Variants in GAK observed in about 807,000 individuals in gnomAD.
The protein encoded by GAK is cyclin G associated kinase.
In GAK, 79 loss-of-function variants were observed where a neutral mutation model predicts 143.9. That is an observed-to-expected ratio of 0.55 (90% confidence interval 0.46 to 0.66). The LOEUF (loss-of-function observed/expected upper bound fraction) is 0.66, where lower values mean the gene tolerates loss of function less well. Ranked by LOEUF, GAK falls within the 30% of genes least tolerant of loss-of-function variation. GAK has a pLI of 0.00. For synonymous variants in GAK, 881 were observed against 765.5 expected, an observed-to-expected ratio of 1.15 and a Z score of -2.49; for missense variants, 1,693 against 1,779.7, an observed-to-expected ratio of 0.95 and a Z score of 0.88.
chr4:868,215 G>C (rs1228583101), intron 20 of GAK, among the ~76,000 whole-genome samples: 1 of 152,174 alleles, frequency 6.6e-6, no homozygotes, highest in Non-Finnish European at 1.5e-5. Context: ...CCTCCGCCCA[G>C]GCCCTTCCCC....
At chr4:896,867 G>C (rs924964349) in intron 6 of GAK, among the ~76,000 whole-genome samples, 2 of 152,252 alleles carry the variant, frequency 1.3e-5, no homozygotes, top group Non-Finnish European at 2.9e-5. Context: ...TGAGGAGAAG[G>C]GTGTCTCACC....
At chr4:868,265 C>T (rs1711510573) in intron 20 of GAK, among the ~76,000 whole-genome samples, 1 of 152,184 alleles carries the variant, frequency 6.6e-6, no homozygotes, top group Non-Finnish European at 1.5e-5. Flanking sequence ...ATGCTGCCAG[C>T]CTCCCCAGGC....
intron 1 of GAK, among the ~76,000 whole-genome samples, chr4:918,297 G>A (rs1001768208): frequency 2.6e-5 from 4 of 152,206 alleles, no homozygotes; most frequent in Non-Finnish European, 5.9e-5. Flanking sequence ...AGACTTAATC[G>A]TGTTTTCTTC....
At chr4:913,131 C>T (rs1722334988) in intron 2 of GAK, among the ~76,000 whole-genome samples, 1 of 152,116 alleles carries the variant, frequency 6.6e-6, no homozygotes, top group African/African-American at 2.4e-5. Context: ...CAGGCCCACT[C>T]ATGCCCACTC....
chr4:859,813 AC>A, intron 23 of GAK, 91 bp from the exon 24 acceptor site: 3 of 885,304 alleles, frequency 3.4e-6, no homozygotes, highest in African/African-American at 1.7e-5. Context: ...TTACGACATG[AC>A]AGCCTCACTC....
At chr4:859,136 G>A (rs746686340) in intron 24 of GAK, 118 of 981,948 alleles carry the variant, frequency 1.2e-4, no homozygotes, top group African/African-American at 6.5e-4. Flanking sequence ...GCCCGGGGCC[G>A]GGCCTGAGGC....
chr4:870,750 A>C lies in GAK; in HGVS notation c.2209T>G (p.Ser737Ala), dbSNP rs759970792. 6.2e-7 allele frequency: 1 copy of C among 1,613,988 alleles called. No individual in the cohort carries two copies. The highest frequency in any genetic ancestry group is 1.1e-5 in the South Asian group (1 of 91,052). The change falls in exon 19 of 28, where the codon TCC (serine) becomes GCC (alanine). Residue 737 changes from serine (S) to alanine (A), a missense_variant. Around this residue, in one of 2 missense-constraint regions of GAK, gnomAD observed 822 missense variants for 788.7 expected, o/e 1.04. Transcript: ENST00000314167. ...ATGTCTTGCTGCTCCTCCCGGCTGG[A>C]AAACAGGATTTTGGGGTTCAGCCCC... Reference protein sequence around the residue: ...MRGLNPKILFSSREEQQDILS... With the variant: ...MRGLNPKILFASREEQQDILS...
intron 24 of GAK, among the ~76,000 whole-genome samples, chr4:856,400 AC>A (rs1749213352): frequency 1.7e-5 from 1 of 57,622 alleles, no homozygotes. Context: ...CCTGCTCACC[AC>A]CACAGCTGCT....
chr4:859,685 A>G lies in GAK; in HGVS notation c.3204T>C (p.Cys1068=). Residue 1068 remains cysteine (C), a synonymous_variant, in exon 24 of 28, where the codon TGT becomes TGC. Coordinates refer to ENST00000314167, the MANE Select transcript of GAK (RefSeq NM_005255.4). ...LFSPGGQPAP[C]GSQASWTKSQ... ...ACTTGGTCCAGCTGGCCTGAGAGCC[A>G]CAAGGGGCCGGCTGACCTCCAGGAG... 6.2e-7 allele frequency: 1 copy of G among 1,600,762 alleles called. No individual in the cohort carries two copies. The highest frequency in any genetic ancestry group is 1.7e-5 in the Admixed American group (1 of 59,778).
Position 932,139 on chromosome 4 carries a change from G to A in GAK, c.49C>T (p.Leu17=), listed in dbSNP as rs1267885102. The change falls in exon 1 of 28, where the codon CTG becomes TTG. Residue 17 remains leucine (L), a synonymous_variant. Coordinates refer to ENST00000314167, the MANE Select transcript of GAK (RefSeq NM_005255.4). The surrounding 1 kb of genome is among the most constrained non-coding windows in gnomAD (Gnocchi z 4.0). ...ALDFLAGPGS[L]GGASGRDQSD... is the part of the protein sequence containing the mutation. ...TGGTCGCGGCCGGAAGCACCGCCCA[G>A]GGAGCCTGGACCCGCCAAGAAGTCG... The A allele has an allele frequency of 1.3e-6, 2 of 1,587,082 alleles. No homozygotes were observed. The highest frequency in any genetic ancestry group is 1.4e-5 in the African/African-American group (1 of 74,050).
chr4:930,862 T>C (rs573228651), intron 1 of GAK, among the ~76,000 whole-genome samples: 6 of 152,242 alleles, frequency 3.9e-5, no homozygotes, highest in South Asian at 2.1e-4. Flanking sequence ...GCAGGCCTTT[T>C]GTGATAATCA....
intron 1 of GAK, among the ~76,000 whole-genome samples, chr4:914,413 CCA>C (rs1376191642): frequency 3.3e-5 from 4 of 120,024 alleles, no homozygotes; most frequent in Non-Finnish European, 3.5e-5. Flanking sequence ...ACACAGAGCC[CCA>C]CACACACACA....
intron 1 of GAK, among the ~76,000 whole-genome samples, chr4:914,740 A>AC: frequency 1.1e-5 from 1 of 90,534 alleles, no homozygotes; most frequent in South Asian, 4.4e-4. Context: ...CCCAGCGTGC[A>AC]AGGCCCCACA....
At chr4:899,765 C>A (rs1719511686) in intron 5 of GAK, among the ~76,000 whole-genome samples, 1 of 152,214 alleles carries the variant, frequency 6.6e-6, no homozygotes, top group Non-Finnish European at 1.5e-5. Flanking sequence ...AGACCCCAGT[C>A]CTAGAGAGGA....
intron 5 of GAK, among the ~76,000 whole-genome samples, chr4:903,995 C>T (rs1286086220): frequency 2.6e-5 from 4 of 152,254 alleles, no homozygotes; most frequent in Admixed American, 6.5e-5. Context: ...CTGGAAGATC[C>T]GCTTCCACTG....
At chr4:854,605 C>T (rs933091299) in intron 24 of GAK, among the ~76,000 whole-genome samples, 11 of 152,206 alleles carry the variant, frequency 7.2e-5, no homozygotes, top group African/African-American at 2.4e-4. Flanking sequence ...GTCAAAGCTC[C>T]GCTGGTCTCT....
At chr4:859,784 G>A in intron 23 of GAK, 62 bp from the exon 24 acceptor site, 1 of 1,198,766 alleles carries the variant, frequency 8.3e-7, no homozygotes. Context: ...ATCCTCCTGG[G>A]ACCTCCGATG....
At chr4:864,667 C>T (rs376697033) in intron 23 of GAK, among the ~76,000 whole-genome samples, 42 of 152,250 alleles carry the variant, frequency 2.8e-4, no homozygotes, top group African/African-American at 9.4e-4. Flanking sequence ...TACATGACCC[C>T]CTTCCTGACA....
chr4:897,277 A>G (rs909417495), intron 6 of GAK, among the ~76,000 whole-genome samples: 8 of 152,206 alleles, frequency 5.3e-5, no homozygotes, highest in African/African-American at 1.7e-4. Context: ...GCAGGCCACA[A>G]TTTCTTAAAG....
Sources: gnomAD v4.1 joint callset for allele counts (sites outside exome capture counted in the v4.1 genomes callset) on GRCh38, gnomAD v4.1.1 for gene constraint, gnomAD v4.1.1 regional missense constraint, Gnocchi (gnomAD v3.1) non-coding constraint, MANE v1.5 for transcripts, NCBI Gene and HGNC (gene_info 2026-07-23, HGNC 2026-07-21) for gene names.